Variants in DOCK2 observed in about 807,000 individuals in gnomAD.
The protein encoded by DOCK2 is dedicator of cytokinesis 2.
A neutral mutation model predicts 248.9 loss-of-function variants in DOCK2; 87 were observed. The observed-to-expected ratio is 0.35, with a 90% confidence interval of 0.29 to 0.42. The LOEUF (loss-of-function observed/expected upper bound fraction) is 0.42. Ranked by LOEUF, DOCK2 falls within the 10% of genes least tolerant of loss-of-function variation. The pLI is 1.00. For synonymous variants in DOCK2, 805 were observed against 821.6 expected, an observed-to-expected ratio of 0.98 and a Z score of 0.35; for missense variants, 1,747 against 2,300.2, an observed-to-expected ratio of 0.76 and a Z score of 4.92.
intron 27 of DOCK2, among the ~76,000 whole-genome samples, chr5:169,905,077 G>A (rs1438642696): frequency 7.9e-5 from 12 of 152,162 alleles, no homozygotes; most frequent in Admixed American, 3.9e-4. Context: ...CAGGGAGGCC[G>A]TGCAGAGTGC....
chr5:170,036,211 G>A (rs1756318134), intron 35 of DOCK2, among the ~76,000 whole-genome samples: 1 of 152,086 alleles, frequency 6.6e-6, no homozygotes. Flanking sequence ...CCCAGTCTTG[G>A]CAGCCCACCT....
intron 27 of DOCK2, among the ~76,000 whole-genome samples, chr5:169,971,910 G>T (rs1216524287): frequency 6.6e-6 from 1 of 152,064 alleles, no homozygotes; most frequent in African/African-American, 2.4e-5. Flanking sequence ...TCCTCATCCT[G>T]TTCCAACATA....
intron 29 of DOCK2, among the ~76,000 whole-genome samples, chr5:169,993,090 A>T (rs1389689666): frequency 6.6e-6 from 1 of 152,176 alleles, no homozygotes; most frequent in African/African-American, 2.4e-5. Flanking sequence ...TATTGTATTC[A>T]AGTTTCTGAG....
intron 29 of DOCK2, among the ~76,000 whole-genome samples, chr5:169,988,808 G>C (rs1778136818): frequency 6.6e-6 from 1 of 152,184 alleles, no homozygotes; most frequent in African/African-American, 2.4e-5. Context: ...ATTTTGCCCA[G>C]AGAGGTGAAA....
chr5:169,878,937 G>T (rs1024002716), intron 27 of DOCK2, among the ~76,000 whole-genome samples: 5 of 152,180 alleles, frequency 3.3e-5, no homozygotes, highest in African/African-American at 9.7e-5. Context: ...AGGCATTGGT[G>T]TTGGGTCTGT....
intron 29 of DOCK2, among the ~76,000 whole-genome samples, chr5:169,992,387 T>C (rs188590134): frequency 2.8e-4 from 43 of 152,344 alleles, no homozygotes; most frequent in African/African-American, 1.0e-3. Flanking sequence ...ACAATTCAGG[T>C]TCATTGTTGA....
intron 19 of DOCK2, 143 bp downstream of exon 19, chr5:169,714,600 G>A (rs1276096600): frequency 2.4e-6 from 2 of 848,666 alleles, no homozygotes; most frequent in African/African-American, 3.4e-5. Context: ...GAGTTGCCTT[G>A]AGGAATCTTT....
intron 27 of DOCK2, among the ~76,000 whole-genome samples, chr5:169,900,685 G>T (rs543171055): frequency 6.6e-6 from 1 of 152,220 alleles, no homozygotes; most frequent in African/African-American, 2.4e-5. Flanking sequence ...TGAACAAAAT[G>T]ATAAAATAAG....
intron 6 of DOCK2, 121 bp downstream of exon 6, chr5:169,674,566 G>A (rs1302540428): frequency 6.8e-7 from 1 of 1,460,958 alleles, no homozygotes. Context: ...TTTGGGAGAA[G>A]GTTGTGACCA....
intron 8 of DOCK2, among the ~76,000 whole-genome samples, chr5:169,685,179 G>A (rs959014607): frequency 2.0e-5 from 3 of 152,228 alleles, no homozygotes; most frequent in Admixed American, 2.0e-4. Context: ...TAATGAGAAA[G>A]AGTTTGTGAT....
chr5:169,724,474 A>T (rs1005190723), intron 22 of DOCK2, among the ~76,000 whole-genome samples: 2 of 151,592 alleles, frequency 1.3e-5, no homozygotes, highest in African/African-American at 2.4e-5. Context: ...GAAAAATTGC[A>T]CTCTGTGTCC....
In DOCK2 at chr5:169,961,978, C is replaced by CAAAAAAAAA. The variant is rs70979150; in HGVS notation, c.2800-21081_2800-21073dup. Among the ~76,000 whole-genome samples the CAAAAAAAAA allele has an allele frequency of 8.0e-4, 60 of 74,632 alleles. 19 individuals are homozygous for CAAAAAAAAA. Among genetic ancestry groups the CAAAAAAAAA allele is most frequent in the African/African-American group, 3.0e-3 (45 of 14,776 alleles). The allele number at this position is 74,632 out of a possible 152,430, so 49.0% of individuals were successfully genotyped here. A position where few individuals can be genotyped will look rare whatever the true frequency, so the allele number is the denominator to read the frequency against. On this transcript the variant is annotated intron_variant, in intron 27 of 51. Transcript: ENST00000520908. The stretch of plus-strand genomic sequence containing the variant: ...TGGGTGAAAAAGTGAGACTCTGTCC[C>CAAAAAAAAA]AAAAAAAAAAAAAAAAATGGAGAAA...
At position 169,717,769 on chromosome 5, in the gene DOCK2, G is replaced by A. The variant is rs115562260; in HGVS notation, c.2132+285G>A. On this transcript the variant is annotated intron_variant, in intron 21 of 51. Transcript: ENST00000520908. ...CTTGAGTGGACACCAGGACTTAAAG[G>A]CTACAGAGAAGACCAGGTGTGGTGG... is the stretch of plus-strand genomic sequence containing the variant. Among the ~76,000 whole-genome samples, 734 of 152,250 alleles carry A rather than the reference G, an allele frequency of 4.8e-3. 12 individuals are homozygous for A. The highest frequency in any genetic ancestry group is 0.017 in the African/African-American group (704 of 41,544).
intron 2 of DOCK2, among the ~76,000 whole-genome samples, chr5:169,664,923 A>T (rs1341855161): frequency 6.6e-6 from 1 of 151,804 alleles, no homozygotes; most frequent in Non-Finnish European, 1.5e-5. Flanking sequence ...TTAAGCACTC[A>T]TCACTCATAT....
chr5:170,000,781 G>A (rs545914727), intron 30 of DOCK2, among the ~76,000 whole-genome samples: 1 of 152,272 alleles, frequency 6.6e-6, no homozygotes, highest in East Asian at 1.9e-4. Context: ...TAGGCCTTGA[G>A]GCATTTTTGG....
At chr5:170,063,119 G>A (rs148776828) in intron 44 of DOCK2, among the ~76,000 whole-genome samples, 16 of 152,010 alleles carry the variant, frequency 1.1e-4, no homozygotes, top group African/African-American at 2.7e-4. Context: ...TATGCATGTC[G>A]CCAAAGACCA....
chr5:170,000,442 C>T (rs982042864), intron 30 of DOCK2: 1 of 152,156 alleles, frequency 6.6e-6, no homozygotes, highest in Non-Finnish European at 1.5e-5. Flanking sequence ...CGATTCAACC[C>T]CAGGCCTGTC....
intron 27 of DOCK2, among the ~76,000 whole-genome samples, chr5:169,976,280 G>A (rs934362073): frequency 4.6e-5 from 7 of 152,132 alleles, no homozygotes; most frequent in East Asian, 3.9e-4. Flanking sequence ...GCTTAGAGTC[G>A]GAAAGGCCTA....
chr5:170,036,366 G>A lies in DOCK2; in HGVS notation c.3625-149G>A, dbSNP rs1756323686. ...CAATTAGGCTGTTTGATGCATCTTT[G>A]GGGCATCCAGGAAAATAAGTTTCTT... is the stretch of plus-strand genomic sequence containing the variant. On this transcript the variant is annotated intron_variant, in intron 35 of 51. Coordinates refer to ENST00000520908, the MANE Select transcript of DOCK2 (RefSeq NM_004946.3). The A allele has an allele frequency of 3.9e-6, 3 of 763,526 alleles. No homozygotes were observed. In the Admixed American group the frequency reaches 7.6e-5, roughly 19 times the overall value. 47.3% of individuals were successfully genotyped at this position (763,526 alleles called of 1,614,324 possible). A position where few individuals can be genotyped will look rare whatever the true frequency, so the allele number is the denominator to read the frequency against.
Sources: allele counts gnomAD v4.1 joint callset (sites outside exome capture counted in the v4.1 genomes callset), GRCh38; gene constraint gnomAD v4.1.1; transcripts MANE v1.5; gene names NCBI Gene and HGNC (gene_info 2026-07-23, HGNC 2026-07-21).